The following ARHGEF3 variants were observed in gnomAD, a reference collection of about 807,000 sequenced individuals.
ARHGEF3 encodes the protein 59.8 kDA protein.
In ARHGEF3, 28 loss-of-function variants were observed where a neutral mutation model predicts 63.2. The observed-to-expected ratio is 0.44, with a 90% confidence interval of 0.33 to 0.61. The LOEUF (loss-of-function observed/expected upper bound fraction) is 0.61. Ranked by LOEUF, ARHGEF3 falls within the 20% of genes least tolerant of loss-of-function variation. ARHGEF3 has a pLI of 0.03. For synonymous variants in ARHGEF3, 266 were observed against 254.2 expected (o/e 1.05, Z -0.44); for missense variants, 533 against 659.3 (o/e 0.81, Z 2.10).
intron 3 of ARHGEF3, among the ~76,000 whole-genome samples, chr3:56,883,162 T>A (rs1313727457): frequency 6.6e-6 from 1 of 152,204 alleles, no homozygotes; most frequent in African/African-American, 2.4e-5. Flanking sequence ...AACTTAAACA[T>A]CTTCTCCAAC....
chr3:57,052,205 T>G (rs1056002995), intron 1 of ARHGEF3, among the ~76,000 whole-genome samples: 2 of 152,174 alleles, frequency 1.3e-5, no homozygotes, highest in African/African-American at 2.4e-5. Context: ...GTGCCGCTTG[T>G]TCTTGTGCCT....
At chr3:56,992,407 A>AAAAAAAC (rs1701796180) in intron 2 of ARHGEF3, among the ~76,000 whole-genome samples, 6 of 116,178 alleles carry the variant, frequency 5.2e-5, no homozygotes, top group Non-Finnish European at 1.2e-4. Context: ...AAAAAAAAAA[A>AAAAAAAC]AAAAAAACAG....
chr3:56,883,912 T>G (rs565192173), intron 3 of ARHGEF3, among the ~76,000 whole-genome samples: 65 of 152,296 alleles, frequency 4.3e-4, no homozygotes, highest in African/African-American at 1.4e-3. Context: ...AGAACTACTC[T>G]TTTTTATATT....
chr3:57,075,653 T>C (rs546684640), intron 1 of ARHGEF3, among the ~76,000 whole-genome samples: 1 of 151,672 alleles, frequency 6.6e-6, no homozygotes, highest in South Asian at 2.1e-4. Flanking sequence ...CTACAAAAAA[T>C]ACATAAATTA....
At chr3:56,893,847 A>G (rs938160955) in intron 3 of ARHGEF3, among the ~76,000 whole-genome samples, 11 of 122,836 alleles carry the variant, frequency 9.0e-5, no homozygotes, top group Non-Finnish European at 1.7e-4. Flanking sequence ...AAAAAAAAAA[A>G]AAAAATCCAC....
chr3:56,737,000 C>T (rs910761261), intron 8 of ARHGEF3, among the ~76,000 whole-genome samples, 185 bp downstream of exon 8: 1 of 152,030 alleles, frequency 6.6e-6, no homozygotes, highest in African/African-American at 2.4e-5. Flanking sequence ...GAGGCCGAGG[C>T]ACAAGAATTG....
chr3:56,811,375 G>A (rs28632152), intron 4 of ARHGEF3, among the ~76,000 whole-genome samples: 2,992 of 152,058 alleles, frequency 0.02, 101 homozygotes, highest in African/African-American at 0.068. Flanking sequence ...GCTGGGGCTG[G>A]GGCAGATGGT....
chr3:56,998,534 T>A (rs779413994), intron 2 of ARHGEF3, among the ~76,000 whole-genome samples: 3 of 152,094 alleles, frequency 2.0e-5, no homozygotes, highest in Non-Finnish European at 2.9e-5. Flanking sequence ...AATGGTGCTA[T>A]GAGCTCCTTC....
In ARHGEF3 at chr3:56,917,689, G is replaced by A. The variant is rs35598538; in HGVS notation, c.130-35335C>T. The stretch of plus-strand genomic sequence containing the variant: ...TCAGAGCCAGAGACACATGGGCAGC[G>A]TTCTGATGGGTGTTCTAGGCAAAAG... On this transcript the variant is annotated intron_variant, in intron 3 of 12. Coordinates refer to the ARHGEF3 transcript ENST00000338458. Among the ~76,000 whole-genome samples, 254 of 152,306 alleles carry A rather than the reference G, an allele frequency of 1.7e-3. 1 individual carries two copies. Among genetic ancestry groups the A allele is most frequent in the Non-Finnish European group, 2.5e-3 (173 of 68,040 alleles).
At chr3:57,079,118 A>T in intron 1 of ARHGEF3, 1 of 347,922 alleles carries the variant, frequency 2.9e-6, no homozygotes. Flanking sequence ...ACTAGACCGG[A>T]AGACGGTCTC....
chr3:56,753,752 A>G (rs1017447086), intron 3 of ARHGEF3, among the ~76,000 whole-genome samples, 186 bp from the exon 4 acceptor site: 3 of 152,208 alleles, frequency 2.0e-5, no homozygotes, highest in Admixed American at 6.5e-5. Context: ...ACTGCTGCAT[A>G]TTGTGCTTCT....
intron 2 of ARHGEF3, among the ~76,000 whole-genome samples, chr3:56,996,889 TA>T (rs1189479721): frequency 1.5e-3 from 151 of 99,468 alleles, no homozygotes; most frequent in African/African-American, 4.5e-3. Context: ...TTATTATTAT[TA>T]TTTTTTTTTT....
chr3:56,746,871 A>G (rs2034419736), intron 6 of ARHGEF3, among the ~76,000 whole-genome samples: 2 of 152,348 alleles, frequency 1.3e-5, no homozygotes, highest in East Asian at 3.9e-4. Context: ...CCAGGAAAGT[A>G]ATATTTTACA....
intron 4 of ARHGEF3, among the ~76,000 whole-genome samples, chr3:56,843,504 T>C (rs1015198578): frequency 1.5e-4 from 23 of 152,068 alleles, no homozygotes; most frequent in African/African-American, 5.6e-4. Context: ...TGGACTCAAG[T>C]GATCTACCTG....
At chr3:56,976,984 T>A (rs1701148552) in intron 2 of ARHGEF3, among the ~76,000 whole-genome samples, 1 of 152,138 alleles carries the variant, frequency 6.6e-6, no homozygotes, top group Non-Finnish European at 1.5e-5. Flanking sequence ...TTAGTACTAT[T>A]TTCATACTAC....
At chr3:56,793,460 T>C (rs1220715829) in intron 1 of ARHGEF3, among the ~76,000 whole-genome samples, 1 of 152,148 alleles carries the variant, frequency 6.6e-6, no homozygotes, top group Non-Finnish European at 1.5e-5. Flanking sequence ...TGAGCCACCG[T>C]GCCCAGCAAT....
Position 57,064,353 on chromosome 3 carries a change from T to A in ARHGEF3, c.-28+14873A>T, listed in dbSNP as rs147694153. Among the ~76,000 whole-genome samples the A allele has an allele frequency of 8.9e-3, 1,351 of 152,108 alleles. 15 individuals are homozygous for A. Among genetic ancestry groups the A allele is most frequent in the Non-Finnish European group, 0.011 (744 of 67,996 alleles). On this transcript the variant is annotated intron_variant, in intron 1 of 12. Coordinates refer to the ARHGEF3 transcript ENST00000338458. ...TTTTTCTTTTTTTGGAGACAGGGTT[T>A]CCCTCTGTTATCCAGGCTGGGATGC...
intron 6 of ARHGEF3, 105 bp from the exon 7 acceptor site, chr3:56,745,567 G>C: frequency 7.5e-7 from 1 of 1,331,468 alleles, no homozygotes; most frequent in South Asian, 1.5e-5. Flanking sequence ...ACTGGTCTCT[G>C]GGTCTGGCTG....
intron 2 of ARHGEF3, among the ~76,000 whole-genome samples, chr3:57,022,079 T>C (rs951874572): frequency 1.3e-5 from 2 of 152,186 alleles, no homozygotes; most frequent in Admixed American, 6.5e-5. Flanking sequence ...AAGATCAGCC[T>C]GGGTAACCCA....
Sources: allele counts gnomAD v4.1 joint callset (sites outside exome capture counted in the v4.1 genomes callset), GRCh38; gene constraint gnomAD v4.1.1; transcripts MANE v1.5; gene names NCBI Gene and HGNC (gene_info 2026-07-23, HGNC 2026-07-21).